Variants in NKD1 observed in about 807,000 individuals in gnomAD.
NKD1 encodes NKD inhibitor of Wnt signaling pathway 1.
NKD1 carries 21 observed loss-of-function variants against 56.0 expected under a neutral mutation model. That is an observed-to-expected ratio of 0.38 (90% CI 0.27 to 0.54). The LOEUF is 0.54. Among genes scored for constraint, NKD1 ranks in the 20% least tolerant of loss-of-function variants. The pLI, the probability that NKD1 is intolerant of heterozygous loss-of-function variation, is 0.82. For synonymous variants in NKD1, 263 were observed against 265.7 expected, an observed-to-expected ratio of 0.99 and a Z score of 0.10; for missense variants, 578 against 642.7, an observed-to-expected ratio of 0.90 and a Z score of 1.09.
chr16:50,630,515 TTC>T (rs1315022394), intron 7 of NKD1, among the ~76,000 whole-genome samples, 182 bp downstream of exon 7: 1 of 151,804 alleles, frequency 6.6e-6, no homozygotes, highest in African/African-American at 2.4e-5. Flanking sequence ...AGGGAAGGGA[TTC>T]TGGGTGAGAG....
intron 3 of NKD1, among the ~76,000 whole-genome samples, chr16:50,599,762 A>T (rs575383156): frequency 6.6e-6 from 1 of 151,526 alleles, no homozygotes; most frequent in Admixed American, 6.6e-5. Flanking sequence ...AAGTCTCCCC[A>T]CCCCGTGCCC....
chr16:50,610,565 T>G (rs1297608413), intron 4 of NKD1, among the ~76,000 whole-genome samples: 1 of 152,316 alleles, frequency 6.6e-6, no homozygotes, highest in Middle Eastern at 3.4e-3. Context: ...TGCTACTGAC[T>G]AAGGGAGAAC....
intron 3 of NKD1, among the ~76,000 whole-genome samples, chr16:50,601,400 G>A (rs1166009245): frequency 1.2e-4 from 18 of 152,212 alleles, no homozygotes; most frequent in Admixed American, 1.2e-3. Flanking sequence ...GGTTAGGGTG[G>A]GCCTGCCCCA....
At chr16:50,597,662 C>T (rs28409200) in intron 3 of NKD1, among the ~76,000 whole-genome samples, 11,144 of 152,198 alleles carry the variant, frequency 0.073, 607 homozygotes, top group African/African-American at 0.15. Context: ...AGCTTCCTAT[C>T]TGACAGCACT....
In NKD1 at chr16:50,643,221, C is replaced by G. The variant is rs1027911079; in HGVS notation, c.*9440C>G. 1 of 152,238 alleles carries G rather than the reference C, an allele frequency of 6.6e-6. No homozygotes were observed. Among genetic ancestry groups the G allele is most frequent in the Non-Finnish European group, 1.5e-5 (1 of 68,062 alleles). 9.4% of individuals were successfully genotyped at this position (152,238 alleles called of 1,614,324 possible). A position where few individuals can be genotyped will look rare whatever the true frequency, so the allele number is the denominator to read the frequency against. On this transcript the variant is annotated 3_prime_UTR_variant, in exon 10 of 10. Transcript: ENST00000268459. ...TACAGAGTGCCTACTGTGCACCCAG[C>G]CCACATTCACTAGTGTCCTCAAAAC...
Position 50,644,396 on chromosome 16 carries a change from T to C in NKD1, c.*10615T>C, listed in dbSNP as rs981999904. On this transcript the variant is annotated 3_prime_UTR_variant, in exon 10 of 10. Coordinates refer to ENST00000268459, the MANE Select transcript of NKD1 (RefSeq NM_033119.5). ...CTCCCCACCCGCCCCCAGCGGGACC[T>C]AGCACATGGCCTGCTGTTGACACTC... 6.6e-6 allele frequency: 1 copy of C among 152,260 alleles called. No individual in the cohort carries two copies. The highest frequency in any genetic ancestry group is 1.5e-5 in the Non-Finnish European group (1 of 68,040). 9.4% of individuals were successfully genotyped at this position (152,260 alleles called of 1,614,324 possible). A position where few individuals can be genotyped will look rare whatever the true frequency, so the allele number is the denominator to read the frequency against.
At chr16:50,594,088 G>A (rs1318885613) in intron 3 of NKD1, among the ~76,000 whole-genome samples, 1 of 140,800 alleles carries the variant, frequency 7.1e-6, no homozygotes, top group East Asian at 2.2e-4. Context: ...GGCACAAGGT[G>A]CTTAGAACAA....
At position 50,608,428 on chromosome 16, in the gene NKD1, G is replaced by A; in HGVS notation, c.259+68G>A. On this transcript the variant is annotated intron_variant, in intron 4 of 9. Transcript: ENST00000268459. ...GGGAAGCGGGTGTTCAGCTGGCCGT[G>A]TGCCCTGTGTACTCCAGAAAATCTG... is the stretch of plus-strand genomic sequence containing the variant. The A allele has an allele frequency of 3.5e-6, 4 of 1,127,826 alleles. No homozygotes were observed. The South Asian group carries it at 4.9e-5, about 14-fold the overall frequency. 69.9% of individuals were successfully genotyped at this position (1,127,826 alleles called of 1,614,324 possible).
At chr16:50,550,028 G>A (rs1285611692) in intron 3 of NKD1, among the ~76,000 whole-genome samples, 1 of 152,130 alleles carries the variant, frequency 6.6e-6, no homozygotes, top group Non-Finnish European at 1.5e-5. Flanking sequence ...AACCCCAGTA[G>A]AGCAGGCGGC....
At chr16:50,593,744 G>T (rs1227156214) in intron 3 of NKD1, among the ~76,000 whole-genome samples, 3 of 152,160 alleles carry the variant, frequency 2.0e-5, no homozygotes, top group Admixed American at 1.3e-4. Flanking sequence ...TTGAATTTCA[G>T]ATAAATAGCA....
chr16:50,607,977 C>T (rs1961751853), intron 3 of NKD1: 1 of 319,096 alleles, frequency 3.1e-6, no homozygotes, highest in Non-Finnish European at 6.0e-6. Context: ...TGGTGGGGAA[C>T]AGGCAGGGTG....
chr16:50,563,152 A>C (rs756426718), intron 3 of NKD1, among the ~76,000 whole-genome samples: 5 of 152,244 alleles, frequency 3.3e-5, no homozygotes, highest in Non-Finnish European at 7.3e-5. Flanking sequence ...GAGACTGCCT[A>C]AATTTTAAGA....
Position 50,580,361 on chromosome 16 carries a change from G to A in NKD1, c.193-27933G>A, listed in dbSNP as rs188567952. On this transcript the variant is annotated intron_variant, in intron 3 of 9. Transcript: ENST00000268459. Reference sequence around the variant, plus strand: ...GAGGCGAGGGCCCAGTGCTTAGAGCGGTGCCTTAGCAAAGGCAAAGTCTGC... The same window carrying A: ...GAGGCGAGGGCCCAGTGCTTAGAGCAGTGCCTTAGCAAAGGCAAAGTCTGC... Among the ~76,000 whole-genome samples, 533 of 152,376 alleles carry A rather than the reference G, an allele frequency of 3.5e-3. 6 individuals are homozygous for A. The highest frequency in any genetic ancestry group is 0.012 in the African/African-American group (506 of 41,588).
chr16:50,550,968 T>G (rs1960371316), intron 3 of NKD1, among the ~76,000 whole-genome samples: 1 of 152,152 alleles, frequency 6.6e-6, no homozygotes, highest in South Asian at 2.1e-4. Flanking sequence ...TTTCTTTTCT[T>G]TTTTTTCTAA....
intron 3 of NKD1, among the ~76,000 whole-genome samples, chr16:50,562,592 A>C (rs1399060531): frequency 1.3e-5 from 2 of 152,234 alleles, no homozygotes; most frequent in African/African-American, 2.4e-5. Flanking sequence ...GGGAGACTCG[A>C]TGCGGCCGAG....
rs1962527686 is a variant in NKD1 at position 50,639,085 on chromosome 16, A to G, written c.*5304A>G. ...GCTTGGGATCACCTGGGGAGAGTTC[A>G]CAAAATACTGGTGCAGGGGTCCCAC... On this transcript the variant is annotated 3_prime_UTR_variant, in exon 10 of 10. Coordinates refer to ENST00000268459, the MANE Select transcript of NKD1 (RefSeq NM_033119.5). 6.6e-6 allele frequency: 1 copy of G among 152,164 alleles called. No homozygotes were observed. The highest frequency in any genetic ancestry group is 2.4e-5 in the African/African-American group (1 of 41,436). The allele number at this position is 152,164 out of a possible 1,614,324, so 9.4% of individuals were successfully genotyped here.
In NKD1 at chr16:50,645,127, T is replaced by C. The variant is rs1962651671; in HGVS notation, c.*11346T>C. 6.6e-6 allele frequency: 1 copy of C among 152,262 alleles called. No individual in the cohort carries two copies. The highest frequency in any genetic ancestry group is 1.5e-5 in the Non-Finnish European group (1 of 68,058). The allele number at this position is 152,262 out of a possible 1,614,324, so 9.4% of individuals were successfully genotyped here. ...TACTTTCAAAGATTTAGTGATCAAG[T>C]ACTATGTGTCAGGAACCATGCTCAG... is the stretch of plus-strand genomic sequence containing the variant. On this transcript the variant is annotated 3_prime_UTR_variant, in exon 10 of 10. Coordinates refer to ENST00000268459, the MANE Select transcript of NKD1 (RefSeq NM_033119.5).
chr16:50,549,438 G>A lies in NKD1; in HGVS notation c.75G>A (p.Val25=). Reference sequence around the variant, plus strand: ...CCGTCCCAGGTGACAGCTTCGCCGTGAGCGCTGCCTGGGCTCGGAAGGGCA... The same window carrying A: ...CCGTCCCAGGTGACAGCTTCGCCGTAAGCGCTGCCTGGGCTCGGAAGGGCA... ...RESPEGDSFA[V]SAAWARKGIE... The change falls in exon 3 of 10, where the codon GTG becomes GTA. Residue 25 remains valine (V), a synonymous_variant. Transcript: ENST00000268459. The A allele has an allele frequency of 6.2e-7, 1 of 1,611,426 alleles. No individual in the cohort carries two copies. Among genetic ancestry groups the A allele is most frequent in the Non-Finnish European group, 8.5e-7 (1 of 1,178,936 alleles).
intron 4 of NKD1, among the ~76,000 whole-genome samples, chr16:50,608,720 G>C (rs781254575): frequency 6.6e-6 from 1 of 152,218 alleles, no homozygotes; most frequent in Non-Finnish European, 1.5e-5. Flanking sequence ...GTTGGGCATG[G>C]AGTAAGCATT....
Sources: allele counts gnomAD v4.1 joint callset (sites outside exome capture counted in the v4.1 genomes callset), GRCh38; gene constraint gnomAD v4.1.1; transcripts MANE v1.5; gene names NCBI Gene and HGNC (gene_info 2026-07-23, HGNC 2026-07-21).